Variants in BMPR2 observed in about 807,000 individuals in gnomAD.
BMPR2 encodes the protein bone morphogenetic protein receptor type-2.
Under a neutral mutation model 100.8 loss-of-function variants are expected in BMPR2, and 29 were observed. The observed-to-expected ratio is 0.29, with a 90% confidence interval of 0.21 to 0.39. The LOEUF (loss-of-function observed/expected upper bound fraction) is 0.39, where lower values mean the gene tolerates loss of function less well. Ranked by LOEUF, BMPR2 falls within the 10% of genes least tolerant of loss-of-function variation. The probability of loss-of-function intolerance (pLI) is 1.00; values close to 1 mark genes in which losing one functional copy is unlikely to be tolerated. For missense variants in BMPR2, 1,011 were observed against 1,274.5 expected (o/e 0.79, Z 3.15); for synonymous variants, 382 against 442.3 (o/e 0.86, Z 1.71).
chr2:202,416,832 T>C (rs1443643708), intron 1 of BMPR2, among the ~76,000 whole-genome samples: 1 of 151,736 alleles, frequency 6.6e-6, no homozygotes, highest in African/African-American at 2.4e-5. Context: ...CTTTTTTCTT[T>C]TTCTTTTTCT....
chr2:202,452,829 T>G (rs1340235428), intron 1 of BMPR2, among the ~76,000 whole-genome samples: 1 of 152,212 alleles, frequency 6.6e-6, no homozygotes, highest in East Asian at 1.9e-4. Context: ...GTAAGAATTA[T>G]GGGGATTGTG....
Position 202,476,069 on chromosome 2 carries a change from TGTCTC to T in BMPR2, c.418+8381_418+8385del, listed in dbSNP as rs1345777884. ...AGCCTGGGCAACAAGAGTGAAACTCTGTCTCAAGGTTAAAAAAAAAAAAAAAAAAA... is the reference window on the plus strand; with the variant it reads ...AGCCTGGGCAACAAGAGTGAAACTCTAAGGTTAAAAAAAAAAAAAAAAAAA... On this transcript the variant is annotated intron_variant, in intron 3 of 12. Coordinates refer to ENST00000374580, the MANE Select transcript of BMPR2 (RefSeq NM_001204.7). 7.6e-5 allele frequency among the ~76,000 whole-genome samples: 10 copies of T among 131,164 alleles called. No homozygotes were observed. In the East Asian group the frequency reaches 2.1e-3, roughly 27 times the overall value. The allele number at this position is 131,164 out of a possible 152,430, so 86.0% of individuals were successfully genotyped here. A position where few individuals can be genotyped will look rare whatever the true frequency, so the allele number is the denominator to read the frequency against.
intron 1 of BMPR2, among the ~76,000 whole-genome samples, chr2:202,397,583 C>G (rs1253193879): frequency 6.6e-6 from 1 of 151,032 alleles, no homozygotes; most frequent in South Asian, 2.1e-4. Context: ...CCTGGGGCCT[C>G]CACTTTCTGG....
chr2:202,394,512 T>C (rs1690620750), intron 1 of BMPR2, among the ~76,000 whole-genome samples: 1 of 152,160 alleles, frequency 6.6e-6, no homozygotes, highest in African/African-American at 2.4e-5. Flanking sequence ...GAGTGCCTGC[T>C]ATGTGTCAAG....
At chr2:202,485,594 T>G (rs1416461830) in intron 3 of BMPR2, among the ~76,000 whole-genome samples, 2 of 123,014 alleles carry the variant, frequency 1.6e-5, no homozygotes, top group African/African-American at 5.9e-5. Context: ...TCACCCAGGC[T>G]GGAGTGTAGT....
At chr2:202,387,428 T>G (rs966878918) in intron 1 of BMPR2, among the ~76,000 whole-genome samples, 2 of 152,230 alleles carry the variant, frequency 1.3e-5, no homozygotes, top group African/African-American at 4.8e-5. Context: ...GTGGGACACT[T>G]GGGAATCAAG....
chr2:202,502,503 C>T (rs1687414684), intron 3 of BMPR2, among the ~76,000 whole-genome samples: 1 of 151,778 alleles, frequency 6.6e-6, no homozygotes, highest in African/African-American at 2.4e-5. Context: ...AAAGAAAAAA[C>T]AGTATACCCT....
intron 1 of BMPR2, among the ~76,000 whole-genome samples, chr2:202,435,968 G>C (rs1257246413): frequency 6.6e-6 from 1 of 150,562 alleles, no homozygotes; most frequent in African/African-American, 2.5e-5. Flanking sequence ...ACATATTTCT[G>C]TCATTAAGCC....
chr2:202,381,836 T>G (rs1690300724), intron 1 of BMPR2, among the ~76,000 whole-genome samples: 1 of 152,062 alleles, frequency 6.6e-6, no homozygotes, highest in Admixed American at 6.6e-5. Flanking sequence ...AGGTGAGAGA[T>G]AACTGTTCAC....
intron 1 of BMPR2, among the ~76,000 whole-genome samples, chr2:202,456,969 A>G (rs1574458954): frequency 6.6e-6 from 1 of 152,186 alleles, no homozygotes; most frequent in South Asian, 2.1e-4. Context: ...ATAACTGTAT[A>G]TAAATGTGTA....
intron 1 of BMPR2, among the ~76,000 whole-genome samples, chr2:202,378,667 T>C (rs1174039507): frequency 3.3e-5 from 5 of 152,334 alleles, no homozygotes; most frequent in South Asian, 2.1e-4. Context: ...GTCTGTTAAA[T>C]TGATGATAAA....
At chr2:202,382,667 C>T (rs1690328540) in intron 1 of BMPR2, among the ~76,000 whole-genome samples, 1 of 152,170 alleles carries the variant, frequency 6.6e-6, no homozygotes. Flanking sequence ...ACTCAAATAA[C>T]ACACCAATAA....
chr2:202,397,456 G>A (rs1291164537), intron 1 of BMPR2, among the ~76,000 whole-genome samples: 3 of 151,628 alleles, frequency 2.0e-5, no homozygotes, highest in Non-Finnish European at 4.4e-5. Context: ...TTTTGTGACT[G>A]GATATCTATA....
chr2:202,554,944 T>C (rs1296079867), intron 11 of BMPR2, among the ~76,000 whole-genome samples: 3 of 152,196 alleles, frequency 2.0e-5, no homozygotes, highest in East Asian at 3.8e-4. Context: ...TAAATATATA[T>C]TTCATGATGT....
At chr2:202,519,100 G>C (rs548644799) in intron 6 of BMPR2, 48 bp downstream of exon 6, 1 of 1,577,372 alleles carries the variant, frequency 6.3e-7, no homozygotes. Flanking sequence ...GGTGGCTTAT[G>C]CCTGTAATCC....
rs190647574 is a variant in BMPR2 at position 202,474,475 on chromosome 2, A to G, written c.418+6786A>G. ...GATTCCGTCTCAAAAAAAACCAAAA[A>G]CAAAACAAAACAAAAAAGTGGGTAG... On this transcript the variant is annotated intron_variant, in intron 3 of 12. Coordinates refer to ENST00000374580, the MANE Select transcript of BMPR2 (RefSeq NM_001204.7). Among the ~76,000 whole-genome samples, 1,162 of 152,184 alleles carry G rather than the reference A, an allele frequency of 7.6e-3. 11 individuals are homozygous for G. The highest frequency in any genetic ancestry group is 0.012 in the Non-Finnish European group (843 of 68,000).
chr2:202,382,643 A>G (rs1304849003), intron 1 of BMPR2, among the ~76,000 whole-genome samples: 1 of 152,238 alleles, frequency 6.6e-6, no homozygotes, highest in African/African-American at 2.4e-5. Context: ...GGAATATTCT[A>G]GGGTTGTTTA....
intron 7 of BMPR2, chr2:202,520,422 A>G (rs565020681): frequency 8.8e-6 from 5 of 568,320 alleles, no homozygotes; most frequent in Non-Finnish European, 1.6e-5. Context: ...GGTGCTTGAT[A>G]GCTGAGTAAA....
At chr2:202,485,545 C>CTTTTTCTTTTTTTTTTTTTTTTTTTT (rs1692756931) in intron 3 of BMPR2, among the ~76,000 whole-genome samples, 1 of 64,010 alleles carries the variant, frequency 1.6e-5, no homozygotes, top group African/African-American at 5.7e-5. Flanking sequence ...TTGCCTTTAT[C>CTTTTTCTTTTTTTTTTTTTTTTTTTT]TTTTTTTTTT....
Sources: allele counts gnomAD v4.1 joint callset (sites outside exome capture counted in the v4.1 genomes callset), GRCh38; gene constraint gnomAD v4.1.1; transcripts MANE v1.5; gene names NCBI Gene and HGNC (gene_info 2026-07-23, HGNC 2026-07-21).